DENND4A: variants seen among roughly 807,000 people sequenced by gnomAD.
The protein encoded by DENND4A is C-myc promoter-binding protein.
In DENND4A, 70 loss-of-function variants were observed where a neutral mutation model predicts 199.3. The ratio of observed to expected loss-of-function variants is 0.35; its 90% CI spans 0.29 to 0.43. DENND4A has a LOEUF of 0.43. Among genes scored for constraint, DENND4A ranks in the 20% least tolerant of loss-of-function variants. The pLI is 1.00. For missense variants in DENND4A, 1,723 were observed against 2,255.8 expected (o/e 0.76, Z 4.78); for synonymous variants, 686 against 766.9 (o/e 0.89, Z 1.74).
rs142880094 is a variant in DENND4A, at chr15:65,782,812, T to C, written c.-102+9198A>G. On this transcript the variant is annotated intron_variant, in intron 1 of 32. Transcript: ENST00000443035. ...CATATTTGTTTAGTTGCAGTAATCT[T>C]AATGCTCTATCAAAGAGCATTTATC... 6.6e-3 allele frequency among the ~76,000 whole-genome samples: 1,002 copies of C among 152,300 alleles called. 11 individuals are homozygous for C. The highest frequency in any genetic ancestry group is 7.3e-3 in the Non-Finnish European group (498 of 68,016).
intron 1 of DENND4A, among the ~76,000 whole-genome samples, chr15:65,768,883 A>G (rs1000009203): frequency 6.6e-6 from 1 of 151,938 alleles, no homozygotes; most frequent in Non-Finnish European, 1.5e-5. Context: ...AATCCCAGGT[A>G]CTCGGGTGGC....
chr15:65,771,065 G>A (rs2077111999), intron 1 of DENND4A: 2 of 1,104,496 alleles, frequency 1.8e-6, no homozygotes, highest in African/African-American at 1.6e-5. Flanking sequence ...CAACTATTCA[G>A]TTTAATTTTC....
chr15:65,714,919 C>A (rs879453536), intron 14 of DENND4A, among the ~76,000 whole-genome samples: 1 of 152,162 alleles, frequency 6.6e-6, no homozygotes, highest in Non-Finnish European at 1.5e-5. Context: ...AAACCCCTCT[C>A]TGGACTACCA....
At chr15:65,674,552 C>G (rs2076314297) in intron 24 of DENND4A, among the ~76,000 whole-genome samples, 1 of 151,890 alleles carries the variant, frequency 6.6e-6, no homozygotes, top group African/African-American at 2.4e-5. Context: ...CACTTGAGCC[C>G]AGGAGTTTGA....
At chr15:65,668,193 G>A in intron 27 of DENND4A, 70 bp from the exon 28 acceptor site, 3 of 1,022,738 alleles carry the variant, frequency 2.9e-6, no homozygotes, top group South Asian at 1.8e-5. Flanking sequence ...CAAGGATCAT[G>A]TTCTCTCTCT....
At chr15:65,683,974 C>A (rs1308006596) in intron 23 of DENND4A, among the ~76,000 whole-genome samples, 1 of 152,244 alleles carries the variant, frequency 6.6e-6, no homozygotes, top group African/African-American at 2.4e-5. Context: ...TGGATTCATA[C>A]AATATTTGGT....
rs199610566 is a variant in DENND4A at position 65,696,413 on chromosome 15, G to A, written c.3035C>T (p.Thr1012Ile). ...ACCAGCACTGTTGTTACTTGTACCA[G>A]TGAGGCGAACGATACTGGAAGAATT... ...YQNSSSIVRL[T>I]GTSNNSAGKI... The change falls in exon 22 of 33, where the codon ACT (threonine) becomes ATT (isoleucine). Residue 1012 changes from threonine to isoleucine, a missense_variant. Physicochemically the swap from Thr to Ile is moderately conservative, Grantham distance 89. Transcript: ENST00000443035. 616 of 1,612,732 alleles carry A rather than the reference G, an allele frequency of 3.8e-4. 1 individual carries two copies. The highest frequency in any genetic ancestry group is 4.9e-4 in the Middle Eastern group (3 of 6,072).
At chr15:65,729,498 C>G (rs745561292) in intron 10 of DENND4A, 36 bp downstream of exon 10, 1 of 1,575,118 alleles carries the variant, frequency 6.3e-7, no homozygotes, top group Non-Finnish European at 8.6e-7. Context: ...TAAGTTTAAA[C>G]TAAATTGACT....
chr15:65,683,737 G>T (rs977569818), intron 23 of DENND4A, among the ~76,000 whole-genome samples: 1 of 151,876 alleles, frequency 6.6e-6, no homozygotes, highest in Non-Finnish European at 1.5e-5. Flanking sequence ...AACCTTATTG[G>T]GGCTTAATTT....
chr15:65,671,783 AAAG>A lies in DENND4A; in HGVS notation c.4464+6_4464+8del, dbSNP rs201705903. ...GTATATGAAGATTCTCTTTTGCACAAAAGTGTACCTCCATTGCATAGTTCTGGA... is the reference window on the plus strand; with the variant it reads ...GTATATGAAGATTCTCTTTTGCACAATGTACCTCCATTGCATAGTTCTGGA... On this transcript the variant is annotated splice_donor_region_variant and intron_variant, in intron 25 of 32. Transcript: ENST00000443035. The A allele has an allele frequency of 0.022, 33,301 of 1,543,692 alleles. 463 individuals are homozygous for A. The highest frequency in any genetic ancestry group is 0.025 in the Non-Finnish European group (28,251 of 1,115,686).
At chr15:65,727,068 C>CT (rs1295564001) in intron 11 of DENND4A, among the ~76,000 whole-genome samples, 1 of 152,044 alleles carries the variant, frequency 6.6e-6, no homozygotes, top group Admixed American at 6.6e-5. Flanking sequence ...AATCCCAATG[C>CT]TTTGAGATGC....
intron 11 of DENND4A, among the ~76,000 whole-genome samples, chr15:65,726,989 A>G (rs926897614): frequency 6.6e-6 from 1 of 151,956 alleles, no homozygotes; most frequent in Non-Finnish European, 1.5e-5. Context: ...TTTTTTTCAA[A>G]AAAAGCTTTA....
chr15:65,771,859 A>G (rs2077138525), intron 1 of DENND4A: 8 of 1,612,188 alleles, frequency 5.0e-6, no homozygotes, highest in Non-Finnish European at 5.9e-6. Context: ...AGCATTCCCA[A>G]CCTTTTTAAA....
At chr15:65,708,365 T>C (rs371191176) in intron 14 of DENND4A, among the ~76,000 whole-genome samples, 2 of 152,228 alleles carry the variant, frequency 1.3e-5, no homozygotes, top group South Asian at 2.1e-4. Context: ...TCCCTCTCCA[T>C]ATTGGTGCCT....
At chr15:65,758,137 A>G in intron 2 of DENND4A, among the ~76,000 whole-genome samples, 1 of 152,182 alleles carries the variant, frequency 6.6e-6, no homozygotes, top group East Asian at 1.9e-4. Context: ...ACAAAAGTCT[A>G]CCAGAAGTTA....
intron 7 of DENND4A, among the ~76,000 whole-genome samples, chr15:65,734,193 C>G (rs1025056391): frequency 4.6e-5 from 7 of 152,138 alleles, no homozygotes; most frequent in Non-Finnish European, 7.3e-5. Context: ...GTATAAAACC[C>G]GATTGTACGT....
chr15:65,662,464 C>G (rs1442217903), intron 32 of DENND4A, among the ~76,000 whole-genome samples: 1 of 152,100 alleles, frequency 6.6e-6, no homozygotes, highest in Non-Finnish European at 1.5e-5. Context: ...CTGAAATCAC[C>G]ATGTAATGAT....
chr15:65,779,249 A>C (rs886948160), intron 1 of DENND4A, among the ~76,000 whole-genome samples: 1 of 152,068 alleles, frequency 6.6e-6, no homozygotes, highest in East Asian at 1.9e-4. Context: ...TGGGATCAGG[A>C]GTTCAAGACC....
chr15:65,669,648 G>T (rs1387083951), intron 27 of DENND4A, 131 bp downstream of exon 27: 7 of 760,220 alleles, frequency 9.2e-6, no homozygotes, highest in Non-Finnish European at 1.4e-5. Flanking sequence ...TTAAGAGTAA[G>T]AATTTAAGAT....
Sources: gnomAD v4.1 joint callset for allele counts (sites outside exome capture counted in the v4.1 genomes callset) on GRCh38, gnomAD v4.1.1 for gene constraint, MANE v1.5 for transcripts, NCBI Gene and HGNC (gene_info 2026-07-23, HGNC 2026-07-21) for gene names.